NEK10: variants seen among roughly 807,000 people sequenced by gnomAD.
The protein encoded by NEK10 is NIMA related kinase 10.
NEK10 carries 122 observed loss-of-function variants against 159.8 expected under a neutral mutation model. The observed-to-expected ratio is 0.76, with a 90% CI of 0.66 to 0.89. NEK10 has a LOEUF of 0.89. Among genes scored for constraint, NEK10 ranks in the 40% least tolerant of loss-of-function variants. NEK10 has a pLI of 0.00. For synonymous variants in NEK10, 466 were observed against 457.1 expected (o/e 1.02, Z -0.25); for missense variants, 1,342 against 1,323.1 (o/e 1.01, Z -0.22).
intron 32 of NEK10, among the ~76,000 whole-genome samples, chr3:27,125,055 T>C (rs1194432258): frequency 6.6e-6 from 1 of 152,092 alleles, no homozygotes; most frequent in Admixed American, 6.6e-5. Flanking sequence ...ACACCTACAG[T>C]TCTAAAGAGC....
intron 5 of NEK10, among the ~76,000 whole-genome samples, chr3:27,342,627 A>G (rs1426606161): frequency 1.3e-5 from 2 of 152,146 alleles, no homozygotes; most frequent in Non-Finnish European, 2.9e-5. Context: ...ATCACTAAGA[A>G]TTTTTAAACA....
chr3:27,332,694 C>T (rs949936754), intron 5 of NEK10, among the ~76,000 whole-genome samples: 3 of 152,202 alleles, frequency 2.0e-5, no homozygotes, highest in African/African-American at 4.8e-5. Context: ...CAGATATACA[C>T]AAGAGATCTC....
intron 30 of NEK10, among the ~76,000 whole-genome samples, chr3:27,143,742 G>A (rs1175017449): frequency 6.6e-6 from 1 of 152,070 alleles, no homozygotes; most frequent in Non-Finnish European, 1.5e-5. Flanking sequence ...AGGCTCCCAG[G>A]AGCCACCACC....
chr3:27,218,694 A>G (rs147774032), intron 23 of NEK10, among the ~76,000 whole-genome samples: 7 of 151,818 alleles, frequency 4.6e-5, no homozygotes, highest in African/African-American at 1.7e-4. Context: ...TTAAAATACG[A>G]AAATCAATCC....
chr3:27,218,259 T>C (rs973913892), intron 23 of NEK10, among the ~76,000 whole-genome samples: 2 of 152,236 alleles, frequency 1.3e-5, no homozygotes, highest in African/African-American at 4.8e-5. Context: ...TTCCATTTAC[T>C]ATTTTCAAAC....
chr3:27,261,094 T>A (rs1220442871), intron 22 of NEK10, among the ~76,000 whole-genome samples: 1 of 152,228 alleles, frequency 6.6e-6, no homozygotes, highest in African/African-American at 2.4e-5. Context: ...TTATTGCGTC[T>A]ATTTGATTCT....
At chr3:27,132,677 T>C (rs1361412962) in intron 31 of NEK10, among the ~76,000 whole-genome samples, 2 of 152,106 alleles carry the variant, frequency 1.3e-5, no homozygotes, top group Non-Finnish European at 2.9e-5. Flanking sequence ...GTTGGATCTC[T>C]ACAAGAAAAT....
chr3:27,218,557 A>G (rs897422261), intron 23 of NEK10, among the ~76,000 whole-genome samples: 1 of 148,366 alleles, frequency 6.7e-6, no homozygotes, highest in African/African-American at 2.5e-5. Context: ...GTGAGCCGAG[A>G]TCACGCCACT....
At chr3:27,183,607 T>C (rs1193910005) in intron 26 of NEK10, among the ~76,000 whole-genome samples, 1 of 151,960 alleles carries the variant, frequency 6.6e-6, no homozygotes, top group African/African-American at 2.4e-5. Flanking sequence ...AAATTTTCTG[T>C]TTATCCAAAA....
intron 19 of NEK10, 51 bp from the exon 20 acceptor site, chr3:27,287,794 T>A: frequency 6.8e-7 from 1 of 1,469,694 alleles, no homozygotes; most frequent in Non-Finnish European, 9.0e-7. Flanking sequence ...AAAATACAAG[T>A]TTTTTCACTG....
chr3:27,351,202 A>T (rs1559546977), intron 3 of NEK10, among the ~76,000 whole-genome samples: 1 of 152,148 alleles, frequency 6.6e-6, no homozygotes, highest in African/African-American at 2.4e-5. Flanking sequence ...ATTTAGGAGA[A>T]GGAAATAGTA....
intron 11 of NEK10, among the ~76,000 whole-genome samples, chr3:27,306,861 A>G (rs1426288294): frequency 6.6e-6 from 1 of 152,156 alleles, no homozygotes; most frequent in Non-Finnish European, 1.5e-5. Context: ...GCTGTGCCCA[A>G]CCATCACATT....
At chr3:27,305,537 C>T (rs796318875) in intron 11 of NEK10, among the ~76,000 whole-genome samples, 35 of 149,436 alleles carry the variant, frequency 2.3e-4, no homozygotes, top group African/African-American at 8.6e-4. Flanking sequence ...AAAACAAAAA[C>T]AAAAACAAAA....
At chr3:27,262,801 TTTGATCGTC>T in intron 22 of NEK10, among the ~76,000 whole-genome samples, 1 of 152,206 alleles carries the variant, frequency 6.6e-6, no homozygotes, top group Non-Finnish European at 1.5e-5. Flanking sequence ...CTCAGAGTAG[TTTGATCGTC>T]TGAAGCCTTC....
intron 30 of NEK10, among the ~76,000 whole-genome samples, chr3:27,142,536 A>G (rs558604877): frequency 3.3e-5 from 5 of 152,224 alleles, no homozygotes; most frequent in Admixed American, 3.3e-4. Flanking sequence ...GAAAGTTCCA[A>G]AGACCCTCTT....
chr3:27,162,618 G>C (rs557976986), intron 30 of NEK10, 83 bp downstream of exon 30: 2 of 1,613,866 alleles, frequency 1.2e-6, no homozygotes, highest in Non-Finnish European at 1.7e-6. Flanking sequence ...AAATAAAAGG[G>C]GGAAAGATAT....
At chr3:27,183,115 G>A (rs781654405) in intron 26 of NEK10, among the ~76,000 whole-genome samples, 6 of 151,654 alleles carry the variant, frequency 4.0e-5, no homozygotes, top group Non-Finnish European at 5.9e-5. Context: ...AAATGTTGGA[G>A]GTGGCTGATA....
chr3:27,301,303 G>C (rs969327875), intron 13 of NEK10, among the ~76,000 whole-genome samples: 1 of 152,160 alleles, frequency 6.6e-6, no homozygotes, highest in Non-Finnish European at 1.5e-5. Context: ...CTTGCACCTG[G>C]TGAGACAAGT....
intron 29 of NEK10, among the ~76,000 whole-genome samples, chr3:27,163,905 CACCT>C (rs1946250091): frequency 6.6e-6 from 1 of 152,148 alleles, no homozygotes; most frequent in African/African-American, 2.4e-5. Context: ...ATGCATGCAA[CACCT>C]ACCTAAGTTA....
Sources: allele counts gnomAD v4.1 joint callset (sites outside exome capture counted in the v4.1 genomes callset), GRCh38; gene constraint gnomAD v4.1.1; transcripts MANE v1.5; gene names NCBI Gene and HGNC (gene_info 2026-07-23, HGNC 2026-07-21).